MRAP2: variants seen among roughly 807,000 people sequenced by gnomAD.
MRAP2 encodes melanocortin-2 receptor accessory protein 2.
Under a neutral mutation model 17.4 loss-of-function variants are expected in MRAP2, and 20 were observed. The observed-to-expected ratio is 1.15, with a 90% confidence interval of 0.81 to 1.67. The LOEUF is 1.67. Among genes scored for constraint, MRAP2 ranks in the 40% most tolerant of loss-of-function variants. The probability of loss-of-function intolerance (pLI) is 0.00; values close to 1 mark genes in which losing one functional copy is unlikely to be tolerated. For synonymous variants in MRAP2, 96 were observed against 88.4 expected, an observed-to-expected ratio of 1.09 and a Z score of -0.48; for missense variants, 238 against 240.0, an observed-to-expected ratio of 0.99 and a Z score of 0.05.
chr6:84,124,065 T>C, the MRAP2 span, among the ~76,000 whole-genome samples: 1 of 151,992 alleles, frequency 6.6e-6, no homozygotes, highest in Non-Finnish European at 1.5e-5. Context: ...AAACAACAGA[T>C]GATGGTGTCA....
the MRAP2 span, among the ~76,000 whole-genome samples, chr6:84,138,987 A>G: frequency 2.0e-5 from 3 of 152,208 alleles, no homozygotes; most frequent in Non-Finnish European, 2.9e-5. Flanking sequence ...AATTGGCTCT[A>G]TATTTTGCCT....
At chr6:84,094,839 G>A (rs530820275), downstream of MRAP2, among the ~76,000 whole-genome samples, 7 of 151,928 alleles carry the variant, frequency 4.6e-5, no homozygotes, top group East Asian at 3.9e-4. Flanking sequence ...CTACAGGTGC[G>A]CACCACCGCA....
At chr6:84,095,860 T>C (rs1236794874), downstream of MRAP2, among the ~76,000 whole-genome samples, 1 of 152,220 alleles carries the variant, frequency 6.6e-6, no homozygotes, top group Non-Finnish European at 1.5e-5. Flanking sequence ...TATTCTTGTC[T>C]TTCTATGGAG....
the MRAP2 span, chr6:84,126,246 A>G: frequency 1.8e-6 from 1 of 560,656 alleles, no homozygotes; most frequent in East Asian, 3.5e-5. Context: ...AATTTATTAA[A>G]TTTTTAACAA....
At chr6:84,042,638 C>T (rs2099487883) in intron 1 of MRAP2, among the ~76,000 whole-genome samples, 1 of 152,166 alleles carries the variant, frequency 6.6e-6, no homozygotes, top group African/African-American at 2.4e-5. Context: ...CCCCTCTTTT[C>T]TGGCCAGGCC....
At chr6:84,067,515 C>T (rs2099495049) in intron 3 of MRAP2, among the ~76,000 whole-genome samples, 1 of 152,150 alleles carries the variant, frequency 6.6e-6, no homozygotes, top group Non-Finnish European at 1.5e-5. Context: ...TAGAAGTGTT[C>T]CCTGATCACC....
intron 1 of MRAP2, chr6:84,035,542 G>T (rs1244426365): frequency 2.2e-6 from 1 of 450,670 alleles, no homozygotes; most frequent in Non-Finnish European, 2.9e-6. Flanking sequence ...AAAGCCAAGA[G>T]AAAGAAAGAT....
rs2099501350 is a variant in MRAP2 at position 84,089,621 on chromosome 6, C to CT, written c.*143dup. 1.0e-6 allele frequency: 1 copy of CT among 1,000,232 alleles called. No individual in the cohort carries two copies. Among genetic ancestry groups the CT allele is most frequent in the Non-Finnish European group, 1.4e-6 (1 of 690,854 alleles). The allele number at this position is 1,000,232 out of a possible 1,614,324, so 62.0% of individuals were successfully genotyped here. A position where few individuals can be genotyped will look rare whatever the true frequency, so the allele number is the denominator to read the frequency against. On this transcript the variant is annotated 3_prime_UTR_variant, in exon 4 of 4. Transcript: ENST00000257776. Reference sequence around the variant, plus strand: ...AGACAGAGAGGCAGAGAAGAGACCCCTTTAGAAGAGAGCTGAGCTGATTAA... The same window carrying CT: ...AGACAGAGAGGCAGAGAAGAGACCCCTTTTAGAAGAGAGCTGAGCTGATTAA...
At chr6:84,096,925 A>G in the MRAP2 span, among the ~76,000 whole-genome samples, 2 of 152,238 alleles carry the variant, frequency 1.3e-5, no homozygotes, top group Non-Finnish European at 2.9e-5. Context: ...TGTGGGCACT[A>G]GCAGCATGCA....
rs534774283 is a variant in MRAP2 at position 84,081,493 on chromosome 6, G to A, written c.228-7598G>A. On this transcript the variant is annotated intron_variant, in intron 3 of 3. Coordinates refer to ENST00000257776, the MANE Select transcript of MRAP2 (RefSeq NM_138409.4). Reference sequence around the variant, plus strand: ...CCCTGTGCTATTCTTGTGATAGTGAGTTCTCACAAGATGTGATGGCCTAAA... The same window carrying A: ...CCCTGTGCTATTCTTGTGATAGTGAATTCTCACAAGATGTGATGGCCTAAA... 7.2e-5 allele frequency among the ~76,000 whole-genome samples: 11 copies of A among 152,300 alleles called. No individual in the cohort carries two copies. The South Asian group carries it at 2.3e-3, about 32-fold the overall frequency.
upstream of MRAP2, among the ~76,000 whole-genome samples, chr6:84,033,518 G>A (rs529225533): frequency 1.3e-5 from 2 of 152,164 alleles, no homozygotes; most frequent in Admixed American, 6.5e-5. Context: ...AAGTTGACCC[G>A]AGGGACCCAC....
the MRAP2 span, among the ~76,000 whole-genome samples, chr6:84,133,135 CTGTT>C: frequency 7.3e-4 from 111 of 152,284 alleles, no homozygotes; most frequent in African/African-American, 2.6e-3. Flanking sequence ...ACTCCAGACA[CTGTT>C]TGCCTGGGTA....
the MRAP2 span, among the ~76,000 whole-genome samples, chr6:84,138,300 G>C: frequency 0.028 from 4,208 of 152,292 alleles, 214 homozygotes; most frequent in African/African-American, 0.096. Context: ...TGTGATTTCT[G>C]GGAGAAGGGA....
the MRAP2 span, among the ~76,000 whole-genome samples, chr6:84,130,940 G>T: frequency 1.3e-5 from 2 of 152,064 alleles, no homozygotes; most frequent in Admixed American, 6.6e-5. Flanking sequence ...TCTATTAATT[G>T]TGATGTTAGG....
At chr6:84,064,786 C>T (rs531147858) in intron 3 of MRAP2, among the ~76,000 whole-genome samples, 1 of 152,196 alleles carries the variant, frequency 6.6e-6, no homozygotes, top group South Asian at 2.1e-4. Context: ...CGCGCCGGGC[C>T]GAATCCTGGC....
the MRAP2 span, among the ~76,000 whole-genome samples, chr6:84,117,538 C>T: frequency 2.5e-4 from 38 of 150,900 alleles, no homozygotes; most frequent in Non-Finnish European, 4.9e-4. Flanking sequence ...ACCTCAATTT[C>T]AAAATGTGTT....
At chr6:84,100,244 T>TTTTTTA in the MRAP2 span, among the ~76,000 whole-genome samples, 1 of 152,228 alleles carries the variant, frequency 6.6e-6, no homozygotes, top group Non-Finnish European at 1.5e-5. Flanking sequence ...TTAGAATCAG[T>TTTTTTA]TTTTTATTTT....
chr6:84,077,369 A>C (rs779785201), intron 3 of MRAP2, among the ~76,000 whole-genome samples: 4 of 152,190 alleles, frequency 2.6e-5, no homozygotes, highest in Admixed American at 6.5e-5. Context: ...AGGCACAGAG[A>C]GTGGCAGTCT....
At chr6:84,126,447 G>T in the MRAP2 span, 4 of 1,590,092 alleles carry the variant, frequency 2.5e-6, no homozygotes, top group Admixed American at 1.8e-5. Context: ...CTAAGCCCAC[G>T]AAATGTTTCA....
Sources: gnomAD v4.1 joint callset for allele counts (sites outside exome capture counted in the v4.1 genomes callset) on GRCh38, gnomAD v4.1.1 for gene constraint, MANE v1.5 for transcripts, NCBI Gene and HGNC (gene_info 2026-07-23, HGNC 2026-07-21) for gene names.